PALS2: variants seen among roughly 807,000 people sequenced by gnomAD.
PALS2 encodes protein associated with LIN7 2, MAGUK p55 family member.
PALS2 carries 27 observed loss-of-function variants against 61.6 expected under a neutral mutation model. The observed-to-expected ratio is 0.44, with a 90% CI of 0.32 to 0.60. PALS2 has a LOEUF of 0.60. Ranked by LOEUF, PALS2 falls within the 20% of genes least tolerant of loss-of-function variation. The probability of loss-of-function intolerance (pLI) is 0.05; values close to 1 mark genes in which losing one functional copy is unlikely to be tolerated. For missense variants in PALS2, 554 were observed against 639.4 expected, an observed-to-expected ratio of 0.87 and a Z score of 1.44; for synonymous variants, 236 against 218.6, an observed-to-expected ratio of 1.08 and a Z score of -0.70.
chr7:24,634,455 C>T (rs1192674887), intron 2 of PALS2, among the ~76,000 whole-genome samples: 1 of 152,144 alleles, frequency 6.6e-6, no homozygotes, highest in Non-Finnish European at 1.5e-5. Flanking sequence ...TGGTCTCGAT[C>T]TCCTGACCTC....
At chr7:24,611,403 A>G (rs530284028) in intron 1 of PALS2, among the ~76,000 whole-genome samples, 4 of 152,134 alleles carry the variant, frequency 2.6e-5, no homozygotes, top group South Asian at 2.1e-4. Context: ...GTATTACACA[A>G]TTTTATTTAT....
intron 8 of PALS2, among the ~76,000 whole-genome samples, chr7:24,667,369 A>G (rs1037652900): frequency 1.3e-5 from 2 of 152,156 alleles, no homozygotes; most frequent in African/African-American, 4.8e-5. Flanking sequence ...GTTGTCAGTA[A>G]ATGTCAGTAT....
At chr7:24,646,076 T>G (rs1785816876) in intron 3 of PALS2, among the ~76,000 whole-genome samples, 1 of 152,086 alleles carries the variant, frequency 6.6e-6, no homozygotes, top group Non-Finnish European at 1.5e-5. Flanking sequence ...GTTTTCTATA[T>G]ATAGAATTAC....
chr7:24,663,294 A>C (rs951176617), intron 5 of PALS2, among the ~76,000 whole-genome samples: 4 of 152,170 alleles, frequency 2.6e-5, no homozygotes, highest in African/African-American at 9.7e-5. Context: ...TGTTGGTTGG[A>C]AAATCAAGTG....
intron 1 of PALS2, among the ~76,000 whole-genome samples, chr7:24,594,269 G>A (rs1480680056): frequency 3.3e-5 from 5 of 152,056 alleles, no homozygotes; most frequent in African/African-American, 9.7e-5. Context: ...TTAAGAGAAT[G>A]CTGTGACTGG....
chr7:24,669,300 A>G (rs577061268), intron 9 of PALS2, among the ~76,000 whole-genome samples: 1 of 152,356 alleles, frequency 6.6e-6, no homozygotes, highest in South Asian at 2.1e-4. Context: ...ATAGAAAGTT[A>G]AATAATCATG....
At chr7:24,685,841 C>G (rs894650040) in intron 11 of PALS2, among the ~76,000 whole-genome samples, 1 of 152,076 alleles carries the variant, frequency 6.6e-6, no homozygotes, top group Non-Finnish European at 1.5e-5. Context: ...ACTTCTCTCT[C>G]TACACTTTCT....
In PALS2 at chr7:24,655,853, T is replaced by G. The variant is rs1786388296; in HGVS notation, c.651+5141T>G. Among the ~76,000 whole-genome samples the G allele has an allele frequency of 2.0e-5, 3 of 152,052 alleles. No homozygotes were observed. The South Asian group carries it at 6.2e-4, about 32-fold the overall frequency. ...TTTTTATATGATTTTTAAAATAAAA[T>G]TTTTTATTTGGCTGAGGCTTCAATT... On this transcript the variant is annotated intron_variant, in intron 5 of 11. Transcript: ENST00000222644.
intron 3 of PALS2, among the ~76,000 whole-genome samples, chr7:24,647,330 G>A (rs1785892355): frequency 6.6e-6 from 1 of 151,954 alleles, no homozygotes; most frequent in Non-Finnish European, 1.5e-5. Flanking sequence ...TGTATTTTTA[G>A]TAGAGACAGT....
rs1163953479 is a variant in PALS2, at chr7:24,573,870, G to T, written c.-3+277G>T. Reference sequence around the variant, plus strand: ...CTCTCTGGCTGCGGGCGGCTGGGCGGGCCGGAGCTCGGCAACGTGTCTGGC... The same window carrying T: ...CTCTCTGGCTGCGGGCGGCTGGGCGTGCCGGAGCTCGGCAACGTGTCTGGC... On this transcript the variant is annotated intron_variant, in intron 1 of 11. Coordinates refer to ENST00000222644, the MANE Select transcript of PALS2 (RefSeq NM_001303037.2). The surrounding 1 kb of genome is among the most constrained non-coding windows in gnomAD (Gnocchi z 5.3). The T allele has an allele frequency of 1.3e-5, 2 of 151,516 alleles. No homozygotes were observed. Among genetic ancestry groups the T allele is most frequent in the African/African-American group, 4.8e-5 (2 of 41,332 alleles). 9.4% of individuals were successfully genotyped at this position (151,516 alleles called of 1,614,324 possible).
chr7:24,683,460 A>G (rs566893368), intron 11 of PALS2, among the ~76,000 whole-genome samples: 1 of 150,088 alleles, frequency 6.7e-6, no homozygotes, highest in South Asian at 2.1e-4. Context: ...GATTATTTTT[A>G]TTGATGCTAA....
intron 2 of PALS2, among the ~76,000 whole-genome samples, chr7:24,628,856 G>C (rs1784863850): frequency 6.6e-6 from 1 of 152,092 alleles, no homozygotes; most frequent in Admixed American, 6.6e-5. Flanking sequence ...CAAACAAATG[G>C]AAAAACATTC....
In PALS2 at chr7:24,668,663, A is replaced by G. The variant is rs1243280466; in HGVS notation, c.1114+3A>G. On this transcript the variant is annotated splice_donor_region_variant and intron_variant, in intron 9 of 11. Transcript: ENST00000222644. ...TAGATTTGGAACTACGGTGCCATGT[A>G]AGTTTTCTGTGTTTTCCTTGCTATG... The G allele has an allele frequency of 6.2e-7, 1 of 1,613,444 alleles. No homozygotes were observed. Among genetic ancestry groups the G allele is most frequent in the Non-Finnish European group, 8.5e-7 (1 of 1,179,792 alleles).
chr7:24,679,150 G>A lies in PALS2; in HGVS notation c.1134G>A (p.Arg378=), dbSNP rs773738069. ...ATTTAGTTACTTCACGGAAACCAAG[G>A]GAAGATGAAAAAGATGGCCAGGCAT... ...TTVPFTSRKP[R]EDEKDGQAYK... Residue 378 remains arginine, a synonymous_variant, in exon 10 of 12, where the codon AGG becomes AGA. Coordinates refer to ENST00000222644, the MANE Select transcript of PALS2 (RefSeq NM_001303037.2). 6.2e-7 allele frequency: 1 copy of A among 1,613,762 alleles called. No individual in the cohort carries two copies. The highest frequency in any genetic ancestry group is 1.1e-5 in the South Asian group (1 of 91,072).
rs184202695 is a variant in PALS2, at chr7:24,607,617, A to G, written c.-2-16049A>G. 1.5e-3 allele frequency among the ~76,000 whole-genome samples: 222 copies of G among 143,846 alleles called. 1 individual carries two copies. Among genetic ancestry groups the G allele is most frequent in the Middle Eastern group, 7.1e-3 (2 of 280 alleles). 94.4% of individuals were successfully genotyped at this position (143,846 alleles called of 152,430 possible). A position where few individuals can be genotyped will look rare whatever the true frequency, so the allele number is the denominator to read the frequency against. ...TATGTGTGTGTATATATACATATAT[A>G]TGTGTGTATATATACATATATGTAT... On this transcript the variant is annotated intron_variant, in intron 1 of 11. Coordinates refer to ENST00000222644, the MANE Select transcript of PALS2 (RefSeq NM_001303037.2).
At chr7:24,682,183 A>G (rs1287610586) in intron 11 of PALS2, among the ~76,000 whole-genome samples, 60 of 152,270 alleles carry the variant, frequency 3.9e-4, no homozygotes, top group African/African-American at 1.3e-3. Flanking sequence ...CCCACAAATA[A>G]GGCAAGACCC....
At chr7:24,589,978 C>T (rs1200877370) in intron 1 of PALS2, among the ~76,000 whole-genome samples, 2 of 152,168 alleles carry the variant, frequency 1.3e-5, no homozygotes, top group Non-Finnish European at 2.9e-5. Flanking sequence ...TTTTCTACCA[C>T]AGTTACTGAG....
chr7:24,625,916 TAGTA>T (rs1438490630), intron 2 of PALS2, among the ~76,000 whole-genome samples: 6 of 151,466 alleles, frequency 4.0e-5, no homozygotes, highest in African/African-American at 1.5e-4. Flanking sequence ...AAGAAAGAAA[TAGTA>T]AGTCACAGCA....
At chr7:24,616,387 T>A (rs749725547) in intron 1 of PALS2, among the ~76,000 whole-genome samples, 1 of 152,116 alleles carries the variant, frequency 6.6e-6, no homozygotes, top group Non-Finnish European at 1.5e-5. Flanking sequence ...TCAGTAGTAT[T>A]TCTATATACA....
Sources: gnomAD v4.1 joint callset for allele counts (sites outside exome capture counted in the v4.1 genomes callset) on GRCh38, gnomAD v4.1.1 for gene constraint, Gnocchi (gnomAD v3.1) non-coding constraint, MANE v1.5 for transcripts, NCBI Gene and HGNC (gene_info 2026-07-23, HGNC 2026-07-21) for gene names.